TCF25: variants seen among roughly 807,000 people sequenced by gnomAD.
The protein encoded by TCF25 is ribosome quality control complex subunit TCF25.
A neutral mutation model predicts 83.1 loss-of-function variants in TCF25; 41 were observed. The ratio of observed to expected loss-of-function variants is 0.49; its 90% CI spans 0.38 to 0.64. The LOEUF is 0.64. TCF25 is among the 30% of genes least tolerant of loss of function. The probability of loss-of-function intolerance (pLI) is 0.00; values close to 1 mark genes in which losing one functional copy is unlikely to be tolerated. For missense variants in TCF25, 979 were observed against 914.5 expected, an observed-to-expected ratio of 1.07 and a Z score of -0.91; for synonymous variants, 458 against 365.0, an observed-to-expected ratio of 1.25 and a Z score of -2.90.
chr16:89,875,837 T>TTC (rs1393927277), intron 1 of TCF25, among the ~76,000 whole-genome samples: 1 of 137,456 alleles, frequency 7.3e-6, no homozygotes, highest in East Asian at 2.0e-4. Context: ...TTTTTTTTTT[T>TTC]TTTTTTTTTT....
intron 12 of TCF25, among the ~76,000 whole-genome samples, chr16:89,903,894 C>A (rs1376850342): frequency 9.2e-5 from 14 of 152,150 alleles, no homozygotes; most frequent in Non-Finnish European, 1.5e-4. Flanking sequence ...CTGGCAGCCT[C>A]CTTGGGGCTG....
intron 1 of TCF25, among the ~76,000 whole-genome samples, chr16:89,877,394 C>T (rs928042106): frequency 6.6e-6 from 1 of 152,080 alleles, no homozygotes; most frequent in Non-Finnish European, 1.5e-5. Flanking sequence ...TTTTGAAAGC[C>T]AGTGTGCTGG....
chr16:89,876,695 C>T (rs898772959), intron 1 of TCF25, among the ~76,000 whole-genome samples: 5 of 151,206 alleles, frequency 3.3e-5, no homozygotes, highest in African/African-American at 1.2e-4. Flanking sequence ...GGGAGGCCGA[C>T]GTGGGCGGAT....
chr16:89,909,405 G>A, intron 16 of TCF25: 1 of 255,276 alleles, frequency 3.9e-6, no homozygotes, highest in South Asian at 4.4e-5. Flanking sequence ...CAGCTACTTG[G>A]GAGGCTGAGG....
chr16:89,877,388 G>A (rs1193306626), intron 1 of TCF25, among the ~76,000 whole-genome samples: 1 of 151,994 alleles, frequency 6.6e-6, no homozygotes, highest in Admixed American at 6.6e-5. Context: ...AATTTTTTTT[G>A]AAAGCCAGTG....
At chr16:89,900,212 A>G (rs1411590695) in intron 11 of TCF25, among the ~76,000 whole-genome samples, 1 of 151,978 alleles carries the variant, frequency 6.6e-6, no homozygotes, top group Non-Finnish European at 1.5e-5. Context: ...ACGGTGGTAG[A>G]CTGCTCGGAA....
At chr16:89,898,912 A>G in intron 11 of TCF25, 40 bp downstream of exon 11, 1 of 1,577,170 alleles carries the variant, frequency 6.3e-7, no homozygotes, top group Admixed American at 1.7e-5. Flanking sequence ...AGGGACGGAC[A>G]CCTGCTTCTC....
intron 1 of TCF25, among the ~76,000 whole-genome samples, chr16:89,878,271 C>G (rs1343659836): frequency 1.3e-5 from 2 of 149,272 alleles, no homozygotes; most frequent in East Asian, 4.1e-4. Context: ...CAAAGTGAGA[C>G]CCTGTCTCAA....
At chr16:89,907,420 CCCAG>C (rs1160901114) in intron 16 of TCF25, 98 bp downstream of exon 16, 37 of 301,306 alleles carry the variant, frequency 1.2e-4, no homozygotes, top group East Asian at 5.1e-4. Context: ...CCTTCCAGCT[CCCAG>C]CTCCCACCTA....
chr16:89,905,792 C>T (rs577652908), intron 14 of TCF25, among the ~76,000 whole-genome samples: 6 of 152,220 alleles, frequency 3.9e-5, no homozygotes, highest in African/African-American at 1.4e-4. Context: ...GCATTTTGTT[C>T]CCTGTACTGC....
chr16:89,874,079 G>A (rs1206987963), intron 1 of TCF25, among the ~76,000 whole-genome samples: 1 of 151,220 alleles, frequency 6.6e-6, no homozygotes, highest in Non-Finnish European at 1.5e-5. Context: ...GAGTTAGACT[G>A]GGTTCTAACC....
At chr16:89,908,249 CTCCCACCTCCCA>C (rs1567744412) in intron 16 of TCF25, among the ~76,000 whole-genome samples, 21 of 112,708 alleles carry the variant, frequency 1.9e-4, no homozygotes, top group African/African-American at 7.9e-4. Context: ...CACCTCCCAG[CTCCCACCTCCCA>C]GCTCCCTCTT....
At position 89,911,152 on chromosome 16, in the gene TCF25, G is replaced by T; in HGVS notation, c.1945G>T (p.Val649Leu). ...NQGLNRLMLA[V>L]RDMMANFHLN... ...GGGCCTGAACAGGCTGATGCTGGCTGTGCGCGACATGATGGCCAACTTCCA... is the reference window on the plus strand; with the variant it reads ...GGGCCTGAACAGGCTGATGCTGGCTTTGCGCGACATGATGGCCAACTTCCA... The change falls in exon 18 of 18, where the codon GTG (valine) becomes TTG (leucine). Residue 649 changes from valine to leucine, a missense_variant. Coordinates refer to ENST00000263346, the MANE Select transcript of TCF25 (RefSeq NM_014972.3). The T allele has an allele frequency of 6.2e-7, 1 of 1,612,218 alleles. No homozygotes were observed. Among genetic ancestry groups the T allele is most frequent in the Non-Finnish European group, 8.5e-7 (1 of 1,179,976 alleles).
At chr16:89,892,732 G>T (rs1458521119) in intron 6 of TCF25, among the ~76,000 whole-genome samples, 1 of 152,228 alleles carries the variant, frequency 6.6e-6, no homozygotes, top group Non-Finnish European at 1.5e-5. Context: ...GTGAAGACAG[G>T]CATGGAGTGT....
chr16:89,908,674 T>G (rs966904385), intron 16 of TCF25, among the ~76,000 whole-genome samples: 1 of 936 alleles, frequency 1.1e-3, no homozygotes, highest in African/African-American at 4.1e-3. Flanking sequence ...CCCACCTCCC[T>G]CCTCCCAGCT....
intron 3 of TCF25, 61 bp from the exon 4 acceptor site, chr16:89,885,787 T>C (rs1199299947): frequency 1.5e-6 from 2 of 1,356,056 alleles, no homozygotes; most frequent in East Asian, 2.3e-5. Context: ...AATTTTGTTA[T>C]TGTTACAATA....
At chr16:89,878,434 ATTTTTTTTTTTTTT>A (rs34120033) in intron 1 of TCF25, 3 of 1,005,712 alleles carry the variant, frequency 3.0e-6, no homozygotes, top group Non-Finnish European at 3.7e-6. Context: ...AAAAATCACC[ATTTTTTTTTTTTTT>A]TTTTTTTTTT....
At chr16:89,881,582 C>A (rs1020314985) in intron 1 of TCF25, among the ~76,000 whole-genome samples, 1 of 151,986 alleles carries the variant, frequency 6.6e-6, no homozygotes, top group South Asian at 2.1e-4. Context: ...GCCTGAGTAG[C>A]TGGGACTCAA....
chr16:89,910,316 T>A lies in TCF25; in HGVS notation c.1800-275T>A, dbSNP rs1313728814. ...CACCTGTGCAGTGGCCGAGGATGGC[T>A]GTGGGAGCCTCGCTCCGGACGCCAC... On this transcript the variant is annotated intron_variant, in intron 16 of 17. Coordinates refer to ENST00000263346, the MANE Select transcript of TCF25 (RefSeq NM_014972.3). The A allele has an allele frequency of 1.1e-5, 6 of 537,502 alleles. No homozygotes were observed. The Admixed American group carries it at 1.3e-4, about 12-fold the overall frequency. 33.3% of individuals were successfully genotyped at this position (537,502 alleles called of 1,614,324 possible). A position where few individuals can be genotyped will look rare whatever the true frequency, so the allele number is the denominator to read the frequency against.
Sources: gnomAD v4.1 joint callset for allele counts (sites outside exome capture counted in the v4.1 genomes callset) on GRCh38, gnomAD v4.1.1 for gene constraint, MANE v1.5 for transcripts, NCBI Gene and HGNC (gene_info 2026-07-23, HGNC 2026-07-21) for gene names.